Variants in CTNNA3 observed in about 807,000 individuals in gnomAD.
CTNNA3 encodes catenin alpha 3, also known as catenin alpha-3.
CTNNA3 carries 76 observed loss-of-function variants against 95.7 expected under a neutral mutation model. The ratio of observed to expected loss-of-function variants is 0.79; its 90% CI spans 0.66 to 0.96. CTNNA3 has a LOEUF of 0.96. Among genes scored for constraint, CTNNA3 ranks in the 40% least tolerant of loss-of-function variants. The pLI is 0.00. For synonymous variants in CTNNA3, 431 were observed against 374.4 expected, an observed-to-expected ratio of 1.15 and a Z score of -1.74; for missense variants, 1,191 against 1,089.8, an observed-to-expected ratio of 1.09 and a Z score of -1.31.
intron 9 of CTNNA3, among the ~76,000 whole-genome samples, chr10:66,749,202 C>CAAAAAAAA: frequency 1.6e-3 from 79 of 50,866 alleles, no homozygotes; most frequent in African/African-American, 3.7e-3. Context: ...AACTCCAACT[C>CAAAAAAAA]AAAAAAAAAA....
intron 7 of CTNNA3, among the ~76,000 whole-genome samples, chr10:67,160,925 G>A (rs1364700952): frequency 6.6e-6 from 1 of 152,158 alleles, no homozygotes; most frequent in Non-Finnish European, 1.5e-5. Context: ...AAATAAGCTA[G>A]TCACAGAAGA....
intron 6 of CTNNA3, among the ~76,000 whole-genome samples, chr10:67,209,480 A>T (rs1028725126): frequency 4.6e-5 from 7 of 152,234 alleles, no homozygotes; most frequent in African/African-American, 1.7e-4. Flanking sequence ...AGTAAGAATG[A>T]AGACACTTTA....
chr10:67,115,485 T>A (rs1214835967), intron 7 of CTNNA3, among the ~76,000 whole-genome samples: 3 of 151,116 alleles, frequency 2.0e-5, no homozygotes, highest in African/African-American at 7.3e-5. Flanking sequence ...ACTTAAAGTA[T>A]AATAATAATA....
At chr10:66,322,607 C>T (rs1173184139) in intron 12 of CTNNA3, among the ~76,000 whole-genome samples, 2 of 152,094 alleles carry the variant, frequency 1.3e-5, no homozygotes, top group East Asian at 1.9e-4. Flanking sequence ...GAAGAGACTA[C>T]ACAAAGCCTT....
At chr10:67,359,599 C>T (rs979758042) in intron 5 of CTNNA3, among the ~76,000 whole-genome samples, 9 of 152,036 alleles carry the variant, frequency 5.9e-5, no homozygotes, top group Non-Finnish European at 1.3e-4. Flanking sequence ...TTGGAAGCTT[C>T]AATAACAGAC....
chr10:67,590,777 T>C (rs1168606345), intron 3 of CTNNA3, among the ~76,000 whole-genome samples: 1 of 152,090 alleles, frequency 6.6e-6, no homozygotes, highest in African/African-American at 2.4e-5. Context: ...TTGTTACAAA[T>C]CCCTTGTTGG....
rs1210482029 is a variant in CTNNA3, at chr10:67,296,934, C to CAAAAAAAAAAAAAAAA, written c.580-77080_580-77065dup. 3.4e-3 allele frequency among the ~76,000 whole-genome samples: 60 copies of CAAAAAAAAAAAAAAAA among 17,662 alleles called. 5 individuals are homozygous for CAAAAAAAAAAAAAAAA. The highest frequency in any genetic ancestry group is 5.0e-3 in the Non-Finnish European group (43 of 8,582). 11.6% of individuals were successfully genotyped at this position (17,662 alleles called of 152,430 possible). ...GGGCAACAAGAATGAAACGCTGTCT[C>CAAAAAAAAAAAAAAAA]AAAAAAAAAAAAAAAAAAAAAAAAA... is the stretch of plus-strand genomic sequence containing the variant. On this transcript the variant is annotated intron_variant, in intron 5 of 17. Transcript: ENST00000433211.
intron 11 of CTNNA3, among the ~76,000 whole-genome samples, chr10:66,397,261 C>A: frequency 6.6e-6 from 1 of 151,562 alleles, no homozygotes; most frequent in Admixed American, 6.6e-5. Context: ...AAATTATACT[C>A]TATCCTTGAT....
intron 12 of CTNNA3, among the ~76,000 whole-genome samples, chr10:66,311,084 A>G (rs1413795445): frequency 6.6e-6 from 1 of 152,230 alleles, no homozygotes; most frequent in Non-Finnish European, 1.5e-5. Context: ...TGTATCCCAG[A>G]ATCACTAGAA....
intron 5 of CTNNA3, among the ~76,000 whole-genome samples, chr10:67,502,587 G>T (rs1839269001): frequency 6.6e-6 from 1 of 152,154 alleles, no homozygotes; most frequent in Non-Finnish European, 1.5e-5. Flanking sequence ...CTTCCCCCAG[G>T]TGCTCTGTCC....
intron 11 of CTNNA3, among the ~76,000 whole-genome samples, chr10:66,400,715 C>T (rs1194126049): frequency 6.6e-6 from 1 of 152,080 alleles, no homozygotes; most frequent in Non-Finnish European, 1.5e-5. Flanking sequence ...AGCTGACTCA[C>T]TTTACTTATT....
chr10:65,999,442 C>T (rs1275832443), intron 15 of CTNNA3, among the ~76,000 whole-genome samples: 1 of 152,100 alleles, frequency 6.6e-6, no homozygotes, highest in African/African-American at 2.4e-5. Context: ...GGGAAATTAC[C>T]TCTAGTTTTA....
intron 11 of CTNNA3, among the ~76,000 whole-genome samples, chr10:66,497,621 T>C (rs544943134): frequency 4.3e-4 from 66 of 152,222 alleles, no homozygotes; most frequent in African/African-American, 1.6e-3. Flanking sequence ...GGCTAATGTT[T>C]CATTTAATTA....
chr10:67,620,899 GTA>G (rs1232546311), intron 2 of CTNNA3, among the ~76,000 whole-genome samples: 10 of 114,142 alleles, frequency 8.8e-5, no homozygotes, highest in Admixed American at 4.5e-4. Flanking sequence ...GTATATATAT[GTA>G]TATGTGTGTG....
At chr10:67,018,354 C>G (rs1365726680) in intron 7 of CTNNA3, among the ~76,000 whole-genome samples, 1 of 152,168 alleles carries the variant, frequency 6.6e-6, no homozygotes, top group Admixed American at 6.5e-5. Flanking sequence ...CTTCACCCAA[C>G]TTTTTAAAGG....
At chr10:67,071,886 C>G (rs897786421) in intron 7 of CTNNA3, among the ~76,000 whole-genome samples, 4 of 152,146 alleles carry the variant, frequency 2.6e-5, no homozygotes, top group African/African-American at 9.7e-5. Context: ...CCCTAGCAAA[C>G]TCTTAATTTC....
At chr10:66,695,916 A>AAG (rs1554837114) in intron 9 of CTNNA3, among the ~76,000 whole-genome samples, 1 of 119,302 alleles carries the variant, frequency 8.4e-6, no homozygotes, top group Admixed American at 9.2e-5. Flanking sequence ...AAGAGACGTA[A>AAG]GGGGGGGGGG....
At chr10:66,906,682 T>C (rs1846001487) in intron 7 of CTNNA3, among the ~76,000 whole-genome samples, 3 of 152,086 alleles carry the variant, frequency 2.0e-5, no homozygotes, top group African/African-American at 7.2e-5. Context: ...CATATTGAAT[T>C]TGGTGTTGAC....
intron 5 of CTNNA3, among the ~76,000 whole-genome samples, chr10:67,293,844 A>G (rs924525877): frequency 6.6e-6 from 1 of 151,856 alleles, no homozygotes; most frequent in African/African-American, 2.4e-5. Context: ...AAGGACATGA[A>G]CTCATCATTT....
Sources: gnomAD v4.1 joint callset for allele counts (sites outside exome capture counted in the v4.1 genomes callset) on GRCh38, gnomAD v4.1.1 for gene constraint, MANE v1.5 for transcripts, NCBI Gene and HGNC (gene_info 2026-07-23, HGNC 2026-07-21) for gene names.